Variants in NGLY1 observed in about 807,000 individuals in gnomAD.
NGLY1 encodes the protein peptide-N(4)-(N-acetyl-beta-glucosaminyl)asparagine amidase.
NGLY1 carries 68 observed loss-of-function variants against 84.6 expected under a neutral mutation model. That is an observed-to-expected ratio of 0.80 (90% confidence interval 0.66 to 0.98). NGLY1 has a LOEUF of 0.98. Ranked by LOEUF, NGLY1 falls within the 50% of genes least tolerant of loss-of-function variation. The pLI is 0.00. For synonymous variants in NGLY1, 280 were observed against 275.2 expected, an observed-to-expected ratio of 1.02 and a Z score of -0.17; for missense variants, 779 against 770.2, an observed-to-expected ratio of 1.01 and a Z score of -0.14.
intron 10 of NGLY1, among the ~76,000 whole-genome samples, chr3:25,726,579 G>C (rs935028978): frequency 6.6e-6 from 1 of 152,112 alleles, no homozygotes; most frequent in Non-Finnish European, 1.5e-5. Flanking sequence ...GAAGGGAGAA[G>C]GGACAATATA....
chr3:25,766,192 A>C (rs2077839728), intron 2 of NGLY1, among the ~76,000 whole-genome samples: 1 of 151,798 alleles, frequency 6.6e-6, no homozygotes, highest in Non-Finnish European at 1.5e-5. Context: ...CAGTCTCCCA[A>C]GTAGCTGGGA....
chr3:25,753,597 G>A (rs913189740), intron 3 of NGLY1, among the ~76,000 whole-genome samples: 2 of 151,962 alleles, frequency 1.3e-5, no homozygotes, highest in Admixed American at 6.6e-5. Context: ...CTTGTCTTAT[G>A]GGAAGATGTT....
chr3:25,755,474 A>C, intron 3 of NGLY1: 2 of 1,462,612 alleles, frequency 1.4e-6, no homozygotes, highest in Admixed American at 1.7e-5. Flanking sequence ...AAGATTTAAC[A>C]GTGCAGATTC....
At chr3:25,760,936 TAGACTA>T (rs1707295193) in intron 3 of NGLY1, among the ~76,000 whole-genome samples, 1 of 139,358 alleles carries the variant, frequency 7.2e-6, no homozygotes, top group Non-Finnish European at 1.5e-5. Context: ...CACACAGATC[TAGACTA>T]AGACTAAGAG....
At chr3:25,784,201 A>C (rs367654871), upstream of NGLY1, 7 of 152,208 alleles carry the variant, frequency 4.6e-5, no homozygotes, top group East Asian at 1.3e-3. Context: ...TAATGACTGA[A>C]AATCTAAGTT....
At chr3:25,748,396 G>C (rs1474334296) in intron 4 of NGLY1, among the ~76,000 whole-genome samples, 1 of 152,056 alleles carries the variant, frequency 6.6e-6, no homozygotes, top group East Asian at 1.9e-4. Context: ...AACACTGGAG[G>C]AATTTGAAGC....
At chr3:25,754,482 T>C (rs543081307) in intron 3 of NGLY1, among the ~76,000 whole-genome samples, 1 of 152,292 alleles carries the variant, frequency 6.6e-6, no homozygotes, top group African/African-American at 2.4e-5. Flanking sequence ...TGGTCGCTTT[T>C]CATTGCAATG....
intron 4 of NGLY1, among the ~76,000 whole-genome samples, chr3:25,744,953 C>T (rs1706344750): frequency 6.6e-6 from 1 of 152,144 alleles, no homozygotes; most frequent in Admixed American, 6.6e-5. Context: ...CTGACTACTT[C>T]CATAATTTCT....
chr3:25,755,024 A>G, intron 3 of NGLY1: 2 of 982,846 alleles, frequency 2.0e-6, no homozygotes, highest in East Asian at 4.8e-5. Context: ...CTACAAACCA[A>G]AGGTTATAAA....
intron 2 of NGLY1, among the ~76,000 whole-genome samples, chr3:25,777,053 T>G (rs1417946081): frequency 2.0e-5 from 3 of 152,208 alleles, no homozygotes; most frequent in African/African-American, 7.2e-5. Flanking sequence ...CCTCCAGGAA[T>G]TCTCTTTACA....
At position 25,746,915 on chromosome 3, in the gene NGLY1, C is replaced by T. The variant is rs1005426394; in HGVS notation, c.658+4183G>A. On this transcript the variant is annotated intron_variant, in intron 4 of 11. Transcript: ENST00000280700. ...TGCAATCTCTACTCACTGCAACCTCCGCCTTCCGGTTTCAAGCGATTCTCC... is the reference window on the plus strand; with the variant it reads ...TGCAATCTCTACTCACTGCAACCTCTGCCTTCCGGTTTCAAGCGATTCTCC... Among the ~76,000 whole-genome samples, 7 of 152,150 alleles carry T rather than the reference C, an allele frequency of 4.6e-5. No homozygotes were observed. The South Asian group carries it at 8.3e-4, about 18-fold the overall frequency.
At chr3:25,756,725 G>A (rs1354822363) in intron 3 of NGLY1, among the ~76,000 whole-genome samples, 1 of 152,238 alleles carries the variant, frequency 6.6e-6, no homozygotes, top group East Asian at 1.9e-4. Context: ...CACATTTTTA[G>A]CTAGTTGCTG....
In NGLY1 at chr3:25,739,693, T is replaced by C. The variant is rs769396030; in HGVS notation, c.765A>G (p.Gly255=). ...ATGATCTATCTCTAGACCTAGTCTG[T>C]CCACCACATTTGCTGCACAAAACGT... The part of the protein sequence containing the change: ...VNNVLCSKCG[G]QTRSRDRSLL... Residue 255 remains glycine, a synonymous_variant, in exon 5 of 12, where the codon GGA becomes GGG. Coordinates refer to ENST00000280700, the MANE Select transcript of NGLY1 (RefSeq NM_018297.4). The C allele has an allele frequency of 1.9e-6, 3 of 1,614,126 alleles. No individual in the cohort carries two copies. The highest frequency in any genetic ancestry group is 2.2e-5 in the East Asian group (1 of 44,872).
intron 10 of NGLY1, among the ~76,000 whole-genome samples, chr3:25,726,227 C>T (rs916516515): frequency 2.6e-5 from 4 of 152,254 alleles, no homozygotes; most frequent in East Asian, 1.9e-4. Flanking sequence ...ATTTATGCCA[C>T]GTACATTTTT....
At chr3:25,734,965 CA>C (rs759612594) in intron 7 of NGLY1, 17 of 506,680 alleles carry the variant, frequency 3.4e-5, no homozygotes, top group Non-Finnish European at 4.4e-5. Flanking sequence ...AGTGGAAAGA[CA>C]ATTCAATGGA....
upstream of NGLY1, among the ~76,000 whole-genome samples, chr3:25,785,391 T>G (rs182599900): frequency 1.3e-5 from 2 of 152,144 alleles, no homozygotes; most frequent in Non-Finnish European, 1.5e-5. Context: ...TCTGGAGATA[T>G]AGCTATCACA....
At chr3:25,765,128 C>T (rs1707497383) in intron 2 of NGLY1, among the ~76,000 whole-genome samples, 2 of 151,988 alleles carry the variant, frequency 1.3e-5, no homozygotes. Context: ...TGAAAAGAAA[C>T]AATGTTAAAA....
chr3:25,742,983 A>G (rs1706231182), intron 4 of NGLY1, among the ~76,000 whole-genome samples: 1 of 151,976 alleles, frequency 6.6e-6, no homozygotes, highest in Non-Finnish European at 1.5e-5. Context: ...GATAAATTCA[A>G]TCACAATTAA....
intron 2 of NGLY1, among the ~76,000 whole-genome samples, chr3:25,770,273 C>G (rs185454807): frequency 6.6e-6 from 1 of 152,162 alleles, no homozygotes; most frequent in Non-Finnish European, 1.5e-5. Flanking sequence ...CTCAGCCTCC[C>G]GAGTAGCTGG....
Sources: allele counts gnomAD v4.1 joint callset (sites outside exome capture counted in the v4.1 genomes callset), GRCh38; gene constraint gnomAD v4.1.1; transcripts MANE v1.5; gene names NCBI Gene and HGNC (gene_info 2026-07-23, HGNC 2026-07-21).